DGKI: variants seen among roughly 807,000 people sequenced by gnomAD.
DGKI encodes the protein diacylglycerol kinase iota, also known as DAG kinase iota.
Under a neutral mutation model 147.5 loss-of-function variants are expected in DGKI, and 55 were observed. That is an observed-to-expected ratio of 0.37 (90% confidence interval 0.30 to 0.47). The LOEUF is 0.47. Among genes scored for constraint, DGKI ranks in the 20% least tolerant of loss-of-function variants. The probability of loss-of-function intolerance (pLI) is 1.00; values close to 1 mark genes in which losing one functional copy is unlikely to be tolerated. For synonymous variants in DGKI, 469 were observed against 477.1 expected (o/e 0.98, Z 0.22); for missense variants, 1,007 against 1,323.8 (o/e 0.76, Z 3.71).
chr7:137,498,277 C>G (rs1816044368), intron 21 of DGKI, among the ~76,000 whole-genome samples: 1 of 151,236 alleles, frequency 6.6e-6, no homozygotes, highest in Non-Finnish European at 1.5e-5. Flanking sequence ...GAGAGAAAAA[C>G]TAAAAAAATT....
At chr7:137,711,228 C>T (rs1013368741) in intron 1 of DGKI, among the ~76,000 whole-genome samples, 3 of 152,132 alleles carry the variant, frequency 2.0e-5, no homozygotes, top group Non-Finnish European at 2.9e-5. Context: ...TGCACATAAA[C>T]ACAGGAATTA....
intron 12 of DGKI, among the ~76,000 whole-genome samples, 178 bp from the exon 13 acceptor site, chr7:137,587,388 A>G (rs1240549222): frequency 1.3e-5 from 2 of 152,256 alleles, no homozygotes; most frequent in East Asian, 3.8e-4. Context: ...AGGCAGTTAC[A>G]AAATGGTTAA....
chr7:137,684,031 C>T (rs905838277), intron 2 of DGKI, among the ~76,000 whole-genome samples: 38 of 152,150 alleles, frequency 2.5e-4, no homozygotes, highest in African/African-American at 4.1e-4. Context: ...AAAATGAAGA[C>T]GCTTGCTTAT....
intron 14 of DGKI, among the ~76,000 whole-genome samples, chr7:137,583,702 C>A (rs550534854): frequency 6.6e-6 from 1 of 152,004 alleles, no homozygotes; most frequent in Non-Finnish European, 1.5e-5. Flanking sequence ...TTCTATTGCA[C>A]GTCTAACTAT....
At chr7:137,422,665 C>T (rs1428085526) in intron 28 of DGKI, among the ~76,000 whole-genome samples, 7 of 128,362 alleles carry the variant, frequency 5.5e-5, no homozygotes, top group Admixed American at 9.0e-5. Context: ...AGTGCAGTGG[C>T]GCCATCTCAG....
intron 28 of DGKI, among the ~76,000 whole-genome samples, chr7:137,413,616 A>G (rs916495449): frequency 7.2e-5 from 11 of 152,172 alleles, no homozygotes; most frequent in Non-Finnish European, 1.5e-4. Context: ...ACATGATTTC[A>G]TTCTTTTTTA....
At chr7:137,799,557 A>G (rs1228974196) in intron 1 of DGKI, among the ~76,000 whole-genome samples, 1 of 152,212 alleles carries the variant, frequency 6.6e-6, no homozygotes, top group African/African-American at 2.4e-5. Flanking sequence ...TCATAAGAAC[A>G]TACTGAGAAC....
intron 28 of DGKI, among the ~76,000 whole-genome samples, chr7:137,418,015 C>A (rs1473427572): frequency 2.6e-5 from 4 of 152,192 alleles, no homozygotes; most frequent in Non-Finnish European, 5.9e-5. Context: ...CTAAGATCCC[C>A]ACCTGTTCCC....
intron 1 of DGKI, among the ~76,000 whole-genome samples, chr7:137,750,764 A>G (rs1259327379): frequency 1.3e-5 from 2 of 152,156 alleles, no homozygotes; most frequent in Non-Finnish European, 2.9e-5. Flanking sequence ...TACATCTGTG[A>G]CCTTGGGGAC....
intron 28 of DGKI, among the ~76,000 whole-genome samples, chr7:137,425,803 TG>T (rs1218662225): frequency 2.0e-5 from 3 of 152,034 alleles, no homozygotes; most frequent in Non-Finnish European, 4.4e-5. Context: ...GTATCAGTGA[TG>T]GAAGATGAAG....
intron 1 of DGKI, among the ~76,000 whole-genome samples, chr7:137,691,174 A>T (rs1823591028): frequency 6.6e-6 from 1 of 151,822 alleles, no homozygotes. Flanking sequence ...TCTTCTGTGC[A>T]CTAAAGTTCT....
At chr7:137,746,227 T>A (rs1795324761) in intron 1 of DGKI, among the ~76,000 whole-genome samples, 1 of 152,214 alleles carries the variant, frequency 6.6e-6, no homozygotes, top group South Asian at 2.1e-4. Flanking sequence ...GGAGAGACTG[T>A]GCTTAAGTTG....
intron 21 of DGKI, among the ~76,000 whole-genome samples, chr7:137,518,951 C>T (rs778659059): frequency 2.1e-4 from 32 of 152,018 alleles, no homozygotes; most frequent in Non-Finnish European, 3.7e-4. Flanking sequence ...TTTAATATGG[C>T]CACTTTCTCT....
chr7:137,788,681 C>T (rs188683042), intron 1 of DGKI, among the ~76,000 whole-genome samples: 2 of 137,452 alleles, frequency 1.5e-5, no homozygotes, highest in East Asian at 2.0e-4. Flanking sequence ...CACACACACA[C>T]CTCCATCCCC....
intron 20 of DGKI, among the ~76,000 whole-genome samples, chr7:137,527,438 C>T (rs1263519740): frequency 6.6e-6 from 1 of 152,140 alleles, no homozygotes; most frequent in Non-Finnish European, 1.5e-5. Context: ...TGGAATGTCG[C>T]TATCCACAGT....
intron 27 of DGKI, among the ~76,000 whole-genome samples, 157 bp downstream of exon 27, chr7:137,463,332 G>A (rs906342471): frequency 1.3e-5 from 2 of 152,170 alleles, no homozygotes; most frequent in Admixed American, 1.3e-4. Flanking sequence ...ATAAATATGA[G>A]CAAGGTGCAT....
At chr7:137,445,861 G>T (rs1044143669) in intron 27 of DGKI, among the ~76,000 whole-genome samples, 1 of 152,130 alleles carries the variant, frequency 6.6e-6, no homozygotes, top group Non-Finnish European at 1.5e-5. Context: ...CCCATATTCT[G>T]CCTCCATTAT....
intron 20 of DGKI, chr7:137,545,919 G>C: frequency 1.4e-6 from 1 of 702,600 alleles, no homozygotes; most frequent in South Asian, 1.5e-5. Context: ...GAGCCGGGGG[G>C]AGCAGACACT....
At chr7:137,481,601 T>C (rs1457009892) in intron 23 of DGKI, among the ~76,000 whole-genome samples, 1 of 152,118 alleles carries the variant, frequency 6.6e-6, no homozygotes, top group African/African-American at 2.4e-5. Flanking sequence ...GTATAACCCA[T>C]AATACCTTGT....
Sources: allele counts gnomAD v4.1 joint callset (sites outside exome capture counted in the v4.1 genomes callset), GRCh38; gene constraint gnomAD v4.1.1; transcripts MANE v1.5; gene names NCBI Gene and HGNC (gene_info 2026-07-23, HGNC 2026-07-21).